DCLK1: variants seen among roughly 807,000 people sequenced by gnomAD.
DCLK1 encodes serine/threonine-protein kinase DCLK1.
A neutral mutation model predicts 86.2 loss-of-function variants in DCLK1; 16 were observed. That is an observed-to-expected ratio of 0.19 (90% CI 0.13 to 0.28). The LOEUF is 0.28. DCLK1 is among the 10% of genes least tolerant of loss of function. The pLI is 1.00. For synonymous variants in DCLK1, 369 were observed against 370.5 expected (o/e 1.00, Z 0.05); for missense variants, 590 against 940.2 (o/e 0.63, Z 4.87).
intron 5 of DCLK1, among the ~76,000 whole-genome samples, chr13:35,860,005 T>C (rs1871291763): frequency 6.6e-6 from 1 of 152,266 alleles, no homozygotes; most frequent in Non-Finnish European, 1.5e-5. Flanking sequence ...GACTATCTAA[T>C]TAAAAGATGT....
At chr13:36,026,465 A>G (rs764697500) in intron 3 of DCLK1, among the ~76,000 whole-genome samples, 1 of 152,330 alleles carries the variant, frequency 6.6e-6, no homozygotes, top group South Asian at 2.1e-4. Context: ...GATCTAATCA[A>G]TTCTTCATTA....
intron 4 of DCLK1, among the ~76,000 whole-genome samples, chr13:35,919,889 G>T: frequency 7.5e-6 from 1 of 134,040 alleles, no homozygotes; most frequent in Non-Finnish European, 1.6e-5. Context: ...GATAATGATA[G>T]TAGCACTCTT....
chr13:35,805,444 GTGCCACTA>G, intron 15 of DCLK1: 1 of 390,114 alleles, frequency 2.6e-6, no homozygotes, highest in Non-Finnish European at 4.6e-6. Flanking sequence ...CCACAGGCTT[GTGCCACTA>G]TGCCCAGCTA....
chr13:36,037,422 T>C (rs1305625346), intron 3 of DCLK1, among the ~76,000 whole-genome samples: 3 of 151,956 alleles, frequency 2.0e-5, no homozygotes, highest in African/African-American at 7.3e-5. Context: ...AGAAAAGATA[T>C]ATATTTAAGG....
At chr13:35,897,423 G>T (rs1023547332) in intron 4 of DCLK1, among the ~76,000 whole-genome samples, 3 of 152,100 alleles carry the variant, frequency 2.0e-5, no homozygotes, top group African/African-American at 7.2e-5. Context: ...AGGTAAGACT[G>T]GCTGGATCAG....
chr13:35,896,843 G>C (rs1366104185), intron 4 of DCLK1, among the ~76,000 whole-genome samples: 1 of 152,138 alleles, frequency 6.6e-6, no homozygotes, highest in South Asian at 2.1e-4. Flanking sequence ...AGAGGTGTGT[G>C]GAGGGGGCTC....
At chr13:35,926,273 G>T (rs1418479040) in intron 4 of DCLK1, among the ~76,000 whole-genome samples, 2 of 152,136 alleles carry the variant, frequency 1.3e-5, no homozygotes, top group African/African-American at 4.8e-5. Context: ...GGCCAGGCTG[G>T]TCTCAAACTC....
intron 3 of DCLK1, among the ~76,000 whole-genome samples, chr13:36,094,999 G>A (rs957995326): frequency 2.6e-5 from 4 of 152,162 alleles, no homozygotes; most frequent in Non-Finnish European, 5.9e-5. Flanking sequence ...TTTTGTTCCA[G>A]TAAAGAATTT....
chr13:36,021,794 T>G (rs1481910207), intron 3 of DCLK1, among the ~76,000 whole-genome samples: 2 of 152,014 alleles, frequency 1.3e-5, no homozygotes, highest in Non-Finnish European at 2.9e-5. Flanking sequence ...AATTCAACAA[T>G]AATAGTTAGA....
intron 3 of DCLK1, among the ~76,000 whole-genome samples, chr13:36,044,284 C>A (rs1882797288): frequency 6.6e-6 from 1 of 152,152 alleles, no homozygotes; most frequent in South Asian, 2.1e-4. Context: ...AACCTCTTTT[C>A]CATATAAACT....
intron 3 of DCLK1, among the ~76,000 whole-genome samples, chr13:36,005,599 A>G (rs1217051796): frequency 1.3e-5 from 2 of 152,218 alleles, no homozygotes; most frequent in African/African-American, 4.8e-5. Flanking sequence ...AAAAGGGTGC[A>G]GGGAAATATG....
At chr13:35,803,488 A>G (rs1010763874) in intron 15 of DCLK1, among the ~76,000 whole-genome samples, 5 of 152,322 alleles carry the variant, frequency 3.3e-5, no homozygotes, top group African/African-American at 1.2e-4. Context: ...ACCTCAGTGC[A>G]TAGCTCTACA....
intron 2 of DCLK1, among the ~76,000 whole-genome samples, chr13:36,112,809 G>C (rs940728295): frequency 6.6e-6 from 1 of 152,124 alleles, no homozygotes; most frequent in Non-Finnish European, 1.5e-5. Context: ...ATTCATACTT[G>C]TTCATAAGTA....
intron 4 of DCLK1, among the ~76,000 whole-genome samples, chr13:35,913,651 C>T (rs1358356623): frequency 6.6e-6 from 1 of 152,190 alleles, no homozygotes; most frequent in Non-Finnish European, 1.5e-5. Flanking sequence ...ACTATGCAGA[C>T]TCCTCACAAT....
chr13:36,104,436 T>C (rs1703527136), intron 3 of DCLK1, among the ~76,000 whole-genome samples: 1 of 152,200 alleles, frequency 6.6e-6, no homozygotes. Flanking sequence ...CATGGCTACA[T>C]ACAATGTACA....
At chr13:36,037,547 G>A (rs1882549431) in intron 3 of DCLK1, among the ~76,000 whole-genome samples, 1 of 151,968 alleles carries the variant, frequency 6.6e-6, no homozygotes, top group South Asian at 2.1e-4. Flanking sequence ...GCAGTGGTGC[G>A]ATCTCAGCTC....
At chr13:36,038,524 C>T (rs577983006) in intron 3 of DCLK1, among the ~76,000 whole-genome samples, 1 of 152,270 alleles carries the variant, frequency 6.6e-6, no homozygotes, top group Non-Finnish European at 1.5e-5. Context: ...TGGCACATAC[C>T]TGTTTTTGTT....
chr13:35,908,061 G>A (rs1874785139), intron 4 of DCLK1, among the ~76,000 whole-genome samples: 1 of 152,008 alleles, frequency 6.6e-6, no homozygotes, highest in South Asian at 2.1e-4. Flanking sequence ...TAGAGTTTAG[G>A]ATCTTAAAAT....
chr13:35,935,967 G>A (rs1434773680), intron 4 of DCLK1, among the ~76,000 whole-genome samples: 1 of 152,102 alleles, frequency 6.6e-6, no homozygotes, highest in Non-Finnish European at 1.5e-5. Context: ...AGCCATTAAA[G>A]TAGATGAACT....
Sources: gnomAD v4.1 joint callset for allele counts (sites outside exome capture counted in the v4.1 genomes callset) on GRCh38, gnomAD v4.1.1 for gene constraint, MANE v1.5 for transcripts, NCBI Gene and HGNC (gene_info 2026-07-23, HGNC 2026-07-21) for gene names.